DTNBP1: variants seen among roughly 807,000 people sequenced by gnomAD.
DTNBP1 encodes dysbindin.
DTNBP1 carries 35 observed loss-of-function variants against 42.8 expected under a neutral mutation model. The ratio of observed to expected loss-of-function variants is 0.82; its 90% CI spans 0.63 to 1.09. DTNBP1 has a LOEUF of 1.09. Ranked by LOEUF, DTNBP1 falls within the 50% of genes least tolerant of loss-of-function variation. The pLI, the probability that DTNBP1 is intolerant of heterozygous loss-of-function variation, is 0.00. For synonymous variants in DTNBP1, 171 were observed against 162.2 expected, an observed-to-expected ratio of 1.05 and a Z score of -0.41; for missense variants, 457 against 424.2, an observed-to-expected ratio of 1.08 and a Z score of -0.68.
At chr6:15,556,469 T>C (rs1434114073) in intron 7 of DTNBP1, among the ~76,000 whole-genome samples, 1 of 152,196 alleles carries the variant, frequency 6.6e-6, no homozygotes, top group Non-Finnish European at 1.5e-5. Context: ...CATGAGCCAC[T>C]GCACCTGGCC....
At chr6:15,604,254 C>T (rs1277581958) in intron 6 of DTNBP1, among the ~76,000 whole-genome samples, 1 of 152,192 alleles carries the variant, frequency 6.6e-6, no homozygotes, top group South Asian at 2.1e-4. Context: ...GTTACTCCAT[C>T]CTGGTGGATG....
intron 7 of DTNBP1, among the ~76,000 whole-genome samples, chr6:15,563,933 G>T (rs1026446912): frequency 2.6e-5 from 4 of 152,100 alleles, no homozygotes; most frequent in Non-Finnish European, 5.9e-5. Flanking sequence ...AATTAGCCAG[G>T]TGTGGTGGCA....
intron 9 of DTNBP1, chr6:15,523,501 C>T: frequency 7.8e-7 from 1 of 1,284,612 alleles, no homozygotes; most frequent in Non-Finnish European, 1.0e-6. Context: ...TAATAGAGGC[C>T]CAAAGGCAAG....
At chr6:15,546,922 C>CT (rs1773912600) in intron 7 of DTNBP1, among the ~76,000 whole-genome samples, 3 of 116,172 alleles carry the variant, frequency 2.6e-5, no homozygotes, top group African/African-American at 9.8e-5. Flanking sequence ...TTCTTTCTTT[C>CT]TTTCTTTTTT....
intron 3 of DTNBP1, among the ~76,000 whole-genome samples, chr6:15,644,498 C>G (rs2743862): frequency 0.25 from 38,311 of 151,940 alleles, 5,591 homozygotes; most frequent in African/African-American, 0.4. Context: ...ATCTGTGCAT[C>G]GAACAGTCTC....
chr6:15,619,407 A>T (rs192035082), intron 5 of DTNBP1, among the ~76,000 whole-genome samples: 2 of 152,184 alleles, frequency 1.3e-5, no homozygotes, highest in Admixed American at 1.3e-4. Flanking sequence ...AAAAGAAAAG[A>T]AACTGGGAGA....
At chr6:15,610,520 A>T (rs967137400) in intron 6 of DTNBP1, among the ~76,000 whole-genome samples, 1 of 152,228 alleles carries the variant, frequency 6.6e-6, no homozygotes, top group African/African-American at 2.4e-5. Flanking sequence ...AGCTAGAAAT[A>T]ATCAAGCTTA....
intron 7 of DTNBP1, among the ~76,000 whole-genome samples, chr6:15,541,146 A>G (rs1178115938): frequency 6.6e-6 from 1 of 152,118 alleles, no homozygotes; most frequent in Non-Finnish European, 1.5e-5. Flanking sequence ...ACTATTCAGG[A>G]TGACTATGAA....
At chr6:15,597,691 C>A (rs1354904162) in intron 6 of DTNBP1, among the ~76,000 whole-genome samples, 3 of 152,144 alleles carry the variant, frequency 2.0e-5, no homozygotes, top group African/African-American at 7.2e-5. Flanking sequence ...CTCTACAGTT[C>A]CTGAAGTGCA....
intron 7 of DTNBP1, among the ~76,000 whole-genome samples, chr6:15,582,915 A>C (rs1182464229): frequency 6.6e-6 from 1 of 152,224 alleles, no homozygotes; most frequent in African/African-American, 2.4e-5. Context: ...TATTTCCCCT[A>C]TCTTAGGGTA....
chr6:15,605,077 A>G (rs1757966399), intron 6 of DTNBP1, among the ~76,000 whole-genome samples: 1 of 152,188 alleles, frequency 6.6e-6, no homozygotes, highest in Non-Finnish European at 1.5e-5. Context: ...AGATGTTACT[A>G]TTTTTGGAGA....
intron 7 of DTNBP1, among the ~76,000 whole-genome samples, chr6:15,549,172 A>C (rs1774060177): frequency 6.6e-6 from 1 of 152,142 alleles, no homozygotes; most frequent in Non-Finnish European, 1.5e-5. Context: ...CAGAAAAACA[A>C]AGCTGATTTT....
At position 15,522,843 on chromosome 6, in the gene DTNBP1, A is replaced by C. The variant is rs1300093038; in HGVS notation, c.*132T>G. The C allele has an allele frequency of 3.4e-6, 5 of 1,492,530 alleles. No individual in the cohort carries two copies. Among genetic ancestry groups the C allele is most frequent in the Non-Finnish European group, 4.6e-6 (5 of 1,081,540 alleles). 92.5% of individuals were successfully genotyped at this position (1,492,530 alleles called of 1,614,324 possible). ...CACACTTTATTGTTAGCTGTTCTTT[A>C]AGTTTCTCACACATTATTGGCAATT... On this transcript the variant is annotated 3_prime_UTR_variant, in exon 10 of 10. Coordinates refer to ENST00000344537, the MANE Select transcript of DTNBP1 (RefSeq NM_032122.5).
chr6:15,649,636 C>T (rs1467008074), intron 3 of DTNBP1, among the ~76,000 whole-genome samples: 2 of 152,126 alleles, frequency 1.3e-5, no homozygotes, highest in African/African-American at 4.8e-5. Context: ...GGTTAAGATA[C>T]ATTTTATGCT....
chr6:15,577,256 G>T (rs573981252), intron 7 of DTNBP1, among the ~76,000 whole-genome samples: 4 of 152,220 alleles, frequency 2.6e-5, no homozygotes. Flanking sequence ...GCCCTGCAGG[G>T]CCTCGCAAGC....
At chr6:15,537,181 G>A (rs972108573) in intron 7 of DTNBP1, among the ~76,000 whole-genome samples, 2 of 152,208 alleles carry the variant, frequency 1.3e-5, no homozygotes, top group African/African-American at 4.8e-5. Flanking sequence ...AACACTTTGG[G>A]AGACCAAGGC....
chr6:15,639,252 A>G (rs1760201944), intron 3 of DTNBP1, among the ~76,000 whole-genome samples: 1 of 152,214 alleles, frequency 6.6e-6, no homozygotes, highest in Non-Finnish European at 1.5e-5. Flanking sequence ...AACACTGGGA[A>G]AGCTGAAATT....
chr6:15,547,394 T>A (rs987258370), intron 7 of DTNBP1, among the ~76,000 whole-genome samples: 6 of 152,188 alleles, frequency 3.9e-5, no homozygotes, highest in Non-Finnish European at 1.5e-5. Flanking sequence ...AAACCCCAGG[T>A]AATGCTGACA....
chr6:15,647,762 A>G (rs1404345666), intron 3 of DTNBP1, among the ~76,000 whole-genome samples: 1 of 151,994 alleles, frequency 6.6e-6, no homozygotes, highest in Admixed American at 6.6e-5. Flanking sequence ...AAACTGAATC[A>G]GTAATAAAAA....
Sources: gnomAD v4.1 joint callset for allele counts (sites outside exome capture counted in the v4.1 genomes callset) on GRCh38, gnomAD v4.1.1 for gene constraint, MANE v1.5 for transcripts, NCBI Gene and HGNC (gene_info 2026-07-23, HGNC 2026-07-21) for gene names.